PTPRM: variants seen among roughly 807,000 people sequenced by gnomAD.
The protein encoded by PTPRM is protein tyrosine phosphatase receptor type M, also known as receptor-type tyrosine-protein phosphatase mu.
In PTPRM, 47 loss-of-function variants were observed where a neutral mutation model predicts 186.7. The ratio of observed to expected loss-of-function variants is 0.25; its 90% CI spans 0.20 to 0.32. The LOEUF is 0.32. Among genes scored for constraint, PTPRM ranks in the 10% least tolerant of loss-of-function variants. PTPRM has a pLI of 1.00. For synonymous variants in PTPRM, 668 were observed against 674.9 expected (o/e 0.99, Z 0.16); for missense variants, 1,494 against 1,865.0 (o/e 0.80, Z 3.66).
intron 3 of PTPRM, among the ~76,000 whole-genome samples, chr18:7,889,390 A>G (rs2048953377): frequency 7.3e-6 from 1 of 137,366 alleles, no homozygotes; most frequent in South Asian, 2.2e-4. Flanking sequence ...GGGCTGGAGT[A>G]CAGTGTTGTG....
At chr18:7,835,343 G>A (rs899851628) in intron 2 of PTPRM, among the ~76,000 whole-genome samples, 4 of 151,570 alleles carry the variant, frequency 2.6e-5, no homozygotes, top group African/African-American at 9.7e-5. Flanking sequence ...TTGACCCACT[G>A]GTCATTCAGA....
At chr18:7,870,650 T>G (rs1423984492) in intron 2 of PTPRM, among the ~76,000 whole-genome samples, 6 of 152,168 alleles carry the variant, frequency 3.9e-5, no homozygotes, top group Non-Finnish European at 5.9e-5. Flanking sequence ...TACCAATCAA[T>G]AAAAAATCTG....
intron 23 of PTPRM, among the ~76,000 whole-genome samples, chr18:8,348,227 C>G (rs554939688): frequency 1.3e-5 from 2 of 152,218 alleles, no homozygotes; most frequent in African/African-American, 2.4e-5. Context: ...GACTTGCTGC[C>G]GATTCATTAA....
Position 8,281,949 on chromosome 18 carries a change from A to T in PTPRM, c.2755-14419A>T, listed in dbSNP as rs74869057. On this transcript the variant is annotated intron_variant, in intron 19 of 32. Coordinates refer to ENST00000580170, the MANE Select transcript of PTPRM (RefSeq NM_001105244.2). Reference sequence around the variant, plus strand: ...CTCCATTAAAGAAGAAAATCAAGAAATTAGACTTCATTAAAATTTAAAACT... The same window carrying T: ...CTCCATTAAAGAAGAAAATCAAGAATTTAGACTTCATTAAAATTTAAAACT... Among the ~76,000 whole-genome samples the T allele has an allele frequency of 6.7e-3, 1,027 of 152,280 alleles. 11 individuals carry two copies. Among genetic ancestry groups the T allele is most frequent in the East Asian group, 0.047 (244 of 5,172 alleles).
At chr18:8,231,094 A>G (rs915791305) in intron 14 of PTPRM, among the ~76,000 whole-genome samples, 2 of 152,196 alleles carry the variant, frequency 1.3e-5, no homozygotes, top group African/African-American at 4.8e-5. Flanking sequence ...GAGTTTTGCT[A>G]TCCCTGTAGT....
chr18:8,069,109 CAAAAAAAAAAAAAA>C (rs71165767), intron 7 of PTPRM, among the ~76,000 whole-genome samples: 5 of 78,620 alleles, frequency 6.4e-5, no homozygotes, highest in African/African-American at 1.0e-4. Context: ...GACTCCGTCT[CAAAAAAAAAAAAAA>C]AAAAAAAAAA....
chr18:7,764,041 T>C (rs576627746), intron 1 of PTPRM, among the ~76,000 whole-genome samples: 1 of 152,166 alleles, frequency 6.6e-6, no homozygotes, highest in African/African-American at 2.4e-5. Flanking sequence ...TTTGAGTAAC[T>C]CTACTTAGGA....
At chr18:8,393,538 C>T (rs1293057799) in intron 31 of PTPRM, among the ~76,000 whole-genome samples, 1 of 152,136 alleles carries the variant, frequency 6.6e-6, no homozygotes, top group Non-Finnish European at 1.5e-5. Flanking sequence ...AAAGGACATT[C>T]GTGGAGGAAC....
Position 7,567,683 on chromosome 18 carries a change from A to T in PTPRM, c.-136A>T, listed in dbSNP as rs917124299. On this transcript the variant is annotated 5_prime_UTR_variant, in exon 1 of 33. Coordinates refer to ENST00000580170, the MANE Select transcript of PTPRM (RefSeq NM_001105244.2). The surrounding 1 kb of genome is among the most constrained non-coding windows in gnomAD (Gnocchi z 4.3). The stretch of plus-strand genomic sequence containing the variant: ...AGTTCGGACTTCTGCAACTGTTGGC[A>T]CTTTGGGGGCTTGGCTTAGCGCTCT... 1.7e-5 allele frequency: 13 copies of T among 747,392 alleles called. 1 individual carries two copies. The South Asian group carries it at 3.0e-4, about 17-fold the overall frequency. The allele number at this position is 747,392 out of a possible 1,614,324, so 46.3% of individuals were successfully genotyped here. A position where few individuals can be genotyped will look rare whatever the true frequency, so the allele number is the denominator to read the frequency against.
At chr18:8,228,712 G>A (rs1006492253) in intron 14 of PTPRM, among the ~76,000 whole-genome samples, 1 of 151,142 alleles carries the variant, frequency 6.6e-6, no homozygotes, top group East Asian at 1.9e-4. Context: ...AATTAGCCAG[G>A]TGTGGTGGCA....
intron 7 of PTPRM, among the ~76,000 whole-genome samples, chr18:8,020,889 T>C (rs1311025044): frequency 6.6e-6 from 1 of 152,234 alleles, no homozygotes; most frequent in Non-Finnish European, 1.5e-5. Flanking sequence ...AGTGTCGTTC[T>C]GTGTGGGACT....
chr18:8,192,422 A>T (rs2093721327), intron 14 of PTPRM, among the ~76,000 whole-genome samples: 1 of 152,174 alleles, frequency 6.6e-6, no homozygotes, highest in Non-Finnish European at 1.5e-5. Flanking sequence ...ATAGCATTTT[A>T]TGCCAAAATC....
rs565594662 is a variant in PTPRM at position 7,767,035 on chromosome 18, G to T, written c.74-7114G>T. Among the ~76,000 whole-genome samples the T allele has an allele frequency of 3.3e-5, 5 of 152,282 alleles. No homozygotes were observed. In the East Asian group the frequency reaches 7.7e-4, roughly 24 times the overall value. On this transcript the variant is annotated intron_variant, in intron 1 of 32. Coordinates refer to ENST00000580170, the MANE Select transcript of PTPRM (RefSeq NM_001105244.2). Reference sequence around the variant, plus strand: ...ACATCATGACTATATTTTGCCTTAGGCAGAATCTGACTGGCACATGGTCTG... The same window carrying T: ...ACATCATGACTATATTTTGCCTTAGTCAGAATCTGACTGGCACATGGTCTG...
chr18:7,793,838 AC>A (rs2043463324), intron 2 of PTPRM, among the ~76,000 whole-genome samples: 1 of 152,098 alleles, frequency 6.6e-6, no homozygotes, highest in Non-Finnish European at 1.5e-5. Flanking sequence ...AAACCCCGAG[AC>A]CTTTGCAGGC....
intron 2 of PTPRM, among the ~76,000 whole-genome samples, chr18:7,810,615 G>T (rs1426955301): frequency 1.3e-5 from 2 of 151,980 alleles, no homozygotes; most frequent in African/African-American, 4.8e-5. Context: ...GTTGGGGAGA[G>T]ACTGGGGTGG....
intron 4 of PTPRM, among the ~76,000 whole-genome samples, chr18:7,919,301 T>C (rs1439960464): frequency 6.6e-6 from 1 of 152,176 alleles, no homozygotes; most frequent in Non-Finnish European, 1.5e-5. Context: ...TCCATATAAA[T>C]TTTAGCATTA....
chr18:7,725,166 C>T (rs1374204547), intron 1 of PTPRM, among the ~76,000 whole-genome samples: 1 of 152,140 alleles, frequency 6.6e-6, no homozygotes, highest in Non-Finnish European at 1.5e-5. Flanking sequence ...CTCATTTTCT[C>T]ATTCTTCTAA....
intron 14 of PTPRM, among the ~76,000 whole-genome samples, chr18:8,185,467 G>A (rs2093630110): frequency 6.6e-6 from 1 of 152,252 alleles, no homozygotes. Context: ...GAGCCAGGCA[G>A]TGTGGTGTTT....
chr18:8,270,942 T>G (rs1008771780), intron 19 of PTPRM, among the ~76,000 whole-genome samples: 1 of 152,148 alleles, frequency 6.6e-6, no homozygotes, highest in Non-Finnish European at 1.5e-5. Context: ...GCATGGTGAC[T>G]GTAGTTAATT....
Sources: gnomAD v4.1 joint callset for allele counts (sites outside exome capture counted in the v4.1 genomes callset) on GRCh38, gnomAD v4.1.1 for gene constraint, Gnocchi (gnomAD v3.1) non-coding constraint, MANE v1.5 for transcripts, NCBI Gene and HGNC (gene_info 2026-07-23, HGNC 2026-07-21) for gene names.